The following SLC44A5 variants were observed in gnomAD, a reference collection of about 807,000 sequenced individuals.
The protein encoded by SLC44A5 is choline transporter-like protein 5.
A neutral mutation model predicts 101.8 loss-of-function variants in SLC44A5; 57 were observed. The ratio of observed to expected loss-of-function variants is 0.56; its 90% CI spans 0.45 to 0.70. SLC44A5 has a LOEUF of 0.70. SLC44A5 is among the 30% of genes least tolerant of loss of function. The probability of loss-of-function intolerance (pLI) is 0.00; values close to 1 mark genes in which losing one functional copy is unlikely to be tolerated. For missense variants in SLC44A5, 737 were observed against 853.1 expected (o/e 0.86, Z 1.70); for synonymous variants, 281 against 290.9 (o/e 0.97, Z 0.35).
At chr1:75,402,970 G>A (rs952152313) in intron 2 of SLC44A5, among the ~76,000 whole-genome samples, 2 of 152,218 alleles carry the variant, frequency 1.3e-5, no homozygotes, top group African/African-American at 4.8e-5. Context: ...TGACAGCACA[G>A]CAGTCTGAAG....
chr1:75,534,025 T>C (rs1461509369), intron 2 of SLC44A5, among the ~76,000 whole-genome samples: 2 of 152,168 alleles, frequency 1.3e-5, no homozygotes, highest in African/African-American at 2.4e-5. Flanking sequence ...AATAAGTGGC[T>C]CTTTTGCCCT....
At position 75,461,969 on chromosome 1, in the gene SLC44A5, T is replaced by G. The variant is rs534645960; in HGVS notation, c.14-65348A>C. ...TGGGTCCTGGAGAAAATCACAATCC[T>G]GCAGGGAAGGACGCAGGCCTGGCTG... On this transcript the variant is annotated intron_variant, in intron 2 of 23. Coordinates refer to ENST00000370859, the MANE Select transcript of SLC44A5 (RefSeq NM_001130058.2). Among the ~76,000 whole-genome samples, 3 of 152,300 alleles carry G rather than the reference T, an allele frequency of 2.0e-5. No individual in the cohort carries two copies. The South Asian group carries it at 6.2e-4, about 32-fold the overall frequency.
intron 18 of SLC44A5, among the ~76,000 whole-genome samples, chr1:75,217,553 T>A (rs1308263900): frequency 6.6e-6 from 1 of 152,116 alleles, no homozygotes; most frequent in Non-Finnish European, 1.5e-5. Flanking sequence ...ACCTGACATC[T>A]CCATCATGCT....
At chr1:75,682,688 G>T in the SLC44A5 span, among the ~76,000 whole-genome samples, 19 of 151,478 alleles carry the variant, frequency 1.3e-4, no homozygotes, top group African/African-American at 4.1e-4. Context: ...TCAGGACATA[G>T]GCATGGGCAA....
At chr1:75,559,075 A>G (rs1020013968) in intron 1 of SLC44A5, among the ~76,000 whole-genome samples, 3 of 152,064 alleles carry the variant, frequency 2.0e-5, no homozygotes, top group Non-Finnish European at 2.9e-5. Context: ...AAGAGTATAT[A>G]TTCTTAAAGT....
the SLC44A5 span, among the ~76,000 whole-genome samples, chr1:75,661,454 AT>A: frequency 6.7e-6 from 1 of 148,964 alleles, no homozygotes. Flanking sequence ...CCAGGCAAAG[AT>A]TTTTGGGGTA....
chr1:75,219,054 G>A (rs1385698344), intron 16 of SLC44A5, among the ~76,000 whole-genome samples: 2 of 152,036 alleles, frequency 1.3e-5, no homozygotes, highest in African/African-American at 4.8e-5. Flanking sequence ...GCAAGCTCAG[G>A]AAATACAGTG....
intron 2 of SLC44A5, among the ~76,000 whole-genome samples, chr1:75,401,778 C>G (rs1289945990): frequency 6.6e-6 from 1 of 152,108 alleles, no homozygotes; most frequent in Admixed American, 6.5e-5. Flanking sequence ...TGAGTATCAC[C>G]TGTAACCTTC....
intron 5 of SLC44A5, among the ~76,000 whole-genome samples, chr1:75,299,495 C>T (rs187134540): frequency 1.8e-4 from 27 of 152,268 alleles, no homozygotes; most frequent in African/African-American, 5.8e-4. Context: ...TCTGCTAATA[C>T]ATTCTATCCA....
intron 4 of SLC44A5, among the ~76,000 whole-genome samples, chr1:75,338,612 C>G (rs1457749711): frequency 6.6e-6 from 1 of 152,132 alleles, no homozygotes; most frequent in Non-Finnish European, 1.5e-5. Flanking sequence ...ATGGTGTTAC[C>G]ATGGAGAGAA....
chr1:75,695,316 T>A, the SLC44A5 span, among the ~76,000 whole-genome samples: 115 of 152,304 alleles, frequency 7.6e-4, no homozygotes, highest in East Asian at 0.014. Flanking sequence ...ATTTACAAAA[T>A]CAGGTTTCTA....
chr1:75,663,932 C>T, the SLC44A5 span, among the ~76,000 whole-genome samples: 5 of 152,078 alleles, frequency 3.3e-5, no homozygotes, highest in Non-Finnish European at 7.4e-5. Flanking sequence ...AAACTGAATC[C>T]AGTGGCATAT....
intron 3 of SLC44A5, among the ~76,000 whole-genome samples, chr1:75,347,356 T>G (rs904766410): frequency 1.3e-5 from 2 of 152,098 alleles, no homozygotes; most frequent in Non-Finnish European, 2.9e-5. Flanking sequence ...GGGCCTAAAG[T>G]GTAGGAAAGA....
intron 4 of SLC44A5, among the ~76,000 whole-genome samples, chr1:75,319,269 T>C (rs1655955159): frequency 1.3e-5 from 2 of 152,202 alleles, no homozygotes; most frequent in Admixed American, 6.6e-5. Flanking sequence ...TCTCTGAATA[T>C]ATGACTAGCT....
chr1:75,430,507 CAT>C (rs1161196386), intron 2 of SLC44A5, among the ~76,000 whole-genome samples: 3 of 152,168 alleles, frequency 2.0e-5, no homozygotes, highest in African/African-American at 7.2e-5. Context: ...GAGAAAAATG[CAT>C]ATGTTTCCTT....
the SLC44A5 span, among the ~76,000 whole-genome samples, chr1:75,647,486 C>T: frequency 1.3e-5 from 2 of 152,166 alleles, no homozygotes; most frequent in Admixed American, 6.5e-5. Flanking sequence ...AAGGCCACCA[C>T]CCTCCAGACC....
chr1:75,228,602 C>T (rs571210543), intron 12 of SLC44A5, among the ~76,000 whole-genome samples: 110 of 151,760 alleles, frequency 7.2e-4, no homozygotes, highest in African/African-American at 1.7e-3. Context: ...TTTTGCTTTT[C>T]GTATTCTACT....
At chr1:75,652,191 TA>T in the SLC44A5 span, among the ~76,000 whole-genome samples, 1 of 152,092 alleles carries the variant, frequency 6.6e-6, no homozygotes, top group East Asian at 1.9e-4. Context: ...ACTGCACTTG[TA>T]GACAGCTCAC....
intron 6 of SLC44A5, among the ~76,000 whole-genome samples, chr1:75,257,836 C>T (rs746916365): frequency 6.6e-6 from 1 of 152,014 alleles, no homozygotes; most frequent in African/African-American, 2.4e-5. Context: ...TTCTGCATTT[C>T]CAACTGAGGT....
Sources: allele counts gnomAD v4.1 joint callset (sites outside exome capture counted in the v4.1 genomes callset), GRCh38; gene constraint gnomAD v4.1.1; transcripts MANE v1.5; gene names NCBI Gene and HGNC (gene_info 2026-07-23, HGNC 2026-07-21).